The following HELZ variants were observed in gnomAD, a reference collection of about 807,000 sequenced individuals.
HELZ encodes the protein helicase with zinc finger.
HELZ carries 23 observed loss-of-function variants against 218.2 expected under a neutral mutation model. That is an observed-to-expected ratio of 0.11 (90% CI 0.08 to 0.15). The LOEUF (loss-of-function observed/expected upper bound fraction) is 0.15. Ranked by LOEUF, HELZ falls within the 10% of genes least tolerant of loss-of-function variation. The pLI is 1.00. For missense variants in HELZ, 1,813 were observed against 2,353.7 expected (o/e 0.77, Z 4.75); for synonymous variants, 814 against 829.4 (o/e 0.98, Z 0.32).
intron 31 of HELZ, among the ~76,000 whole-genome samples, chr17:67,096,905 C>T (rs1328754039): frequency 6.6e-6 from 1 of 152,204 alleles, no homozygotes; most frequent in Non-Finnish European, 1.5e-5. Flanking sequence ...GCATTCCCAG[C>T]TTGGCTAACT....
At chr17:67,080,623 T>C (rs2036159357) in intron 32 of HELZ, among the ~76,000 whole-genome samples, 1 of 152,246 alleles carries the variant, frequency 6.6e-6, no homozygotes, top group Non-Finnish European at 1.5e-5. Flanking sequence ...ACTGCTGTGC[T>C]AGACCCATGA....
chr17:67,245,494 C>T, upstream of HELZ: 1 of 985,744 alleles, frequency 1.0e-6, no homozygotes, highest in Non-Finnish European at 1.2e-6. Context: ...GGGCAGACGC[C>T]CCGCGTCTGC....
chr17:67,215,745 C>G (rs2040583407), intron 5 of HELZ, 154 bp downstream of exon 5: 1 of 667,676 alleles, frequency 1.5e-6, no homozygotes, highest in South Asian at 1.7e-5. Context: ...GTATGCCCAG[C>G]TCAGTGGGAA....
intron 17 of HELZ, among the ~76,000 whole-genome samples, chr17:67,157,657 A>T (rs971146663): frequency 1.3e-5 from 2 of 152,176 alleles, no homozygotes; most frequent in African/African-American, 2.4e-5. Context: ...CAATCCACAT[A>T]TCCCACACGA....
intron 4 of HELZ, among the ~76,000 whole-genome samples, chr17:67,216,506 A>C (rs937043877): frequency 1.3e-5 from 2 of 152,096 alleles, no homozygotes; most frequent in African/African-American, 2.4e-5. Flanking sequence ...CCTTGACTTT[A>C]TCTCTCCCAC....
chr17:67,151,016 C>T (rs774524287), intron 18 of HELZ, 30 bp downstream of exon 18: 63 of 1,600,482 alleles, frequency 3.9e-5, no homozygotes, highest in Non-Finnish European at 5.0e-5. Context: ...AAGCCCTAAA[C>T]TTGTGAGACT....
intron 17 of HELZ, among the ~76,000 whole-genome samples, chr17:67,152,767 T>TAAAAAA (rs368609592): frequency 3.2e-5 from 4 of 124,854 alleles, no homozygotes; most frequent in Admixed American, 1.6e-4. Flanking sequence ...AGAGTAGATT[T>TAAAAAA]AAAAAAAAAA....
Position 67,109,188 on chromosome 17 carries a change from G to A in HELZ, c.4417C>T (p.Pro1473Ser), listed in dbSNP as rs2037199896. Residue 1473 changes from proline (P) to serine (S), a missense_variant, in exon 29 of 33, where the codon CCC becomes TCC. Pro to Ser is a moderately conservative substitution (Grantham distance 74). Around this residue, in one of 4 missense-constraint regions of HELZ, gnomAD observed 938 missense variants for 1,027.5 expected, o/e 0.91. Transcript: ENST00000358691. The stretch of plus-strand genomic sequence containing the variant: ...CTATTCAGATGTGAAGGAAGAATGG[G>A]GCCGGGTTGTGCAATGGCTCTCAGA... Reference protein sequence around the residue: ...SPLRAIAQPGPILPSHLNSFI... With the variant: ...SPLRAIAQPGSILPSHLNSFI... 2 of 1,614,092 alleles carry A rather than the reference G, an allele frequency of 1.2e-6. No individual in the cohort carries two copies. Among genetic ancestry groups the A allele is most frequent in the Non-Finnish European group, 1.7e-6 (2 of 1,180,034 alleles).
At chr17:67,180,695 C>T (rs1370406562) in intron 12 of HELZ, among the ~76,000 whole-genome samples, 2 of 151,930 alleles carry the variant, frequency 1.3e-5, no homozygotes, top group Admixed American at 6.6e-5. Context: ...CTGAGCAACA[C>T]GGTGAAACCC....
intron 13 of HELZ, among the ~76,000 whole-genome samples, chr17:67,173,455 G>GAAC (rs1213047646): frequency 6.6e-6 from 1 of 151,968 alleles, no homozygotes; most frequent in Non-Finnish European, 1.5e-5. Flanking sequence ...ACAGCCAACT[G>GAAC]AACACTCAAT....
chr17:67,241,564 T>A (rs1200421304), intron 2 of HELZ, among the ~76,000 whole-genome samples: 2 of 152,234 alleles, frequency 1.3e-5, no homozygotes, highest in African/African-American at 4.8e-5. Flanking sequence ...TAAAAATGAC[T>A]TTTCCTGTTG....
intron 13 of HELZ, among the ~76,000 whole-genome samples, chr17:67,170,065 T>C (rs541461956): frequency 6.6e-6 from 1 of 152,240 alleles, no homozygotes; most frequent in Non-Finnish European, 1.5e-5. Flanking sequence ...TCAGGCAGCC[T>C]GGCTTCTTTG....
At chr17:67,243,431 A>G (rs2041381066) in intron 2 of HELZ, among the ~76,000 whole-genome samples, 1 of 152,246 alleles carries the variant, frequency 6.6e-6, no homozygotes, top group Non-Finnish European at 1.5e-5. Flanking sequence ...AGTAGGTGAT[A>G]GACACCAAAA....
At chr17:67,159,529 A>G (rs1268807621) in intron 17 of HELZ, among the ~76,000 whole-genome samples, 2 of 152,220 alleles carry the variant, frequency 1.3e-5, no homozygotes, top group East Asian at 3.8e-4. Context: ...AACCTAGGGC[A>G]TGACATATTA....
rs1309992588 is a variant in HELZ, at chr17:67,109,667, G to A, written c.3938C>T (p.Pro1313Leu). ...EPKQVDLESN[P>L]QNRSPESRPS... ...ACGTGATTCAGGACTTCTGTTCTGT[G>A]GATTTGATTCCAAATCAACCTAGAA... is the stretch of plus-strand genomic sequence containing the variant. The change falls in exon 29 of 33, where the codon CCA becomes CTA. Residue 1313 changes from proline to leucine, a missense_variant. Pro to Leu is a moderately conservative substitution (Grantham distance 98). Around this residue, in one of 4 missense-constraint regions of HELZ, gnomAD observed 938 missense variants for 1,027.5 expected, o/e 0.91. Transcript: ENST00000358691. The A allele has an allele frequency of 1.9e-6, 3 of 1,604,498 alleles. No individual in the cohort carries two copies. In the Admixed American group the frequency reaches 5.1e-5, roughly 27 times the overall value.
chr17:67,128,202 A>G lies in HELZ; in HGVS notation c.3387+449T>C, dbSNP rs955629850. 3.1e-4 allele frequency among the ~76,000 whole-genome samples: 47 copies of G among 152,328 alleles called. 1 individual carries two copies. The highest frequency in any genetic ancestry group is 1.0e-3 in the African/African-American group (43 of 41,574). ...TCAGCCAAATTTTTTTACTCTGTCA[A>G]ATACCACCTCAAATAAATTGGTCAT... On this transcript the variant is annotated intron_variant, in intron 24 of 32. Transcript: ENST00000358691.
chr17:67,194,076 G>A, intron 8 of HELZ, 34 bp from the exon 9 acceptor site: 1 of 1,446,068 alleles, frequency 6.9e-7, no homozygotes, highest in Non-Finnish European at 9.7e-7. Flanking sequence ...CTTATCATTT[G>A]AGGCTAGCCA....
chr17:67,141,318 A>T (rs1007988285), intron 21 of HELZ, among the ~76,000 whole-genome samples: 2 of 152,198 alleles, frequency 1.3e-5, no homozygotes, highest in African/African-American at 4.8e-5. Flanking sequence ...GGAGGTAGGT[A>T]AAAAATGACA....
chr17:67,148,793 T>C, intron 19 of HELZ, 79 bp from the exon 20 acceptor site: 1 of 1,371,014 alleles, frequency 7.3e-7, no homozygotes, highest in Non-Finnish European at 1.0e-6. Flanking sequence ...AAAAATCCAC[T>C]ATGCTAAAAC....
Sources: gnomAD v4.1 joint callset for allele counts (sites outside exome capture counted in the v4.1 genomes callset) on GRCh38, gnomAD v4.1.1 for gene constraint, gnomAD v4.1.1 regional missense constraint, MANE v1.5 for transcripts, NCBI Gene and HGNC (gene_info 2026-07-23, HGNC 2026-07-21) for gene names.